Variants in SAMD5 observed in about 807,000 individuals in gnomAD.
The protein encoded by SAMD5 is sterile alpha motif domain-containing protein 5.
A neutral mutation model predicts 11.3 loss-of-function variants in SAMD5; 13 were observed. The observed-to-expected ratio is 1.15, with a 90% confidence interval of 0.75 to 1.83. SAMD5 has a LOEUF of 1.83. SAMD5 is among the 40% of genes most tolerant of loss of function. The pLI is 0.00. For synonymous variants in SAMD5, 129 were observed against 111.3 expected (o/e 1.16, Z -1.00); for missense variants, 255 against 239.1 (o/e 1.07, Z -0.44).
intron 1 of SAMD5, among the ~76,000 whole-genome samples, chr6:147,669,420 C>CT (rs55877273): frequency 0.018 from 1,326 of 74,284 alleles, 54 homozygotes; most frequent in African/African-American, 0.044. Context: ...AGCTCCACTT[C>CT]TTTTTTTTTT....
chr6:147,775,776 T>C, the SAMD5 span, among the ~76,000 whole-genome samples: 1 of 152,146 alleles, frequency 6.6e-6, no homozygotes, highest in Non-Finnish European at 1.5e-5. Flanking sequence ...TTACCTTCTC[T>C]GGAGCCAGAC....
At chr6:147,856,823 G>C in the SAMD5 span, among the ~76,000 whole-genome samples, 1 of 53,588 alleles carries the variant, frequency 1.9e-5, no homozygotes, top group Non-Finnish European at 3.2e-5. Context: ...TGGGGGCGCG[G>C]GGGGGGGGGG....
At chr6:147,933,478 G>A in the SAMD5 span, among the ~76,000 whole-genome samples, 1 of 151,726 alleles carries the variant, frequency 6.6e-6, no homozygotes, top group African/African-American at 2.4e-5. Context: ...TATTAGGGTG[G>A]AAACTGGAGC....
At chr6:147,848,405 G>A in the SAMD5 span, among the ~76,000 whole-genome samples, 1 of 152,160 alleles carries the variant, frequency 6.6e-6, no homozygotes, top group African/African-American at 2.4e-5. Context: ...GATAGCGAAT[G>A]TTTACTGTGC....
intron 1 of SAMD5, among the ~76,000 whole-genome samples, chr6:147,710,167 G>C (rs1791376697): frequency 6.6e-6 from 1 of 152,100 alleles, no homozygotes; most frequent in South Asian, 2.1e-4. Context: ...TAGATTTCTT[G>C]ATCTAGCCAC....
chr6:147,573,629 G>T (rs1399207874), downstream of SAMD5, among the ~76,000 whole-genome samples: 1 of 152,180 alleles, frequency 6.6e-6, no homozygotes. Flanking sequence ...TATCTGAAAA[G>T]TGAGGTTACT....
intron 1 of SAMD5, among the ~76,000 whole-genome samples, chr6:147,550,979 C>T (rs1339481338): frequency 6.6e-6 from 1 of 152,116 alleles, no homozygotes; most frequent in Non-Finnish European, 1.5e-5. Context: ...CGTTGTGAGG[C>T]ATCCATGTTT....
chr6:147,722,712 C>A (rs763693713), intron 1 of SAMD5, among the ~76,000 whole-genome samples: 2 of 152,072 alleles, frequency 1.3e-5, no homozygotes, highest in African/African-American at 2.4e-5. Flanking sequence ...TTTTTTCTTG[C>A]TTTTTTTATG....
At chr6:147,724,493 A>T (rs965832445) in intron 1 of SAMD5, among the ~76,000 whole-genome samples, 3 of 152,208 alleles carry the variant, frequency 2.0e-5, no homozygotes, top group Non-Finnish European at 4.4e-5. Flanking sequence ...CTGAAACAAA[A>T]ATTCAGATAA....
At position 147,579,488 on chromosome 6, in the gene SAMD5, CG is replaced by C. The variant is rs1789265614; in HGVS notation, c.162+70103del. On this transcript the variant is annotated intron_variant, in intron 1 of 1. Transcript: ENST00000566741. ...TTTTTTTTTTTTTTTTTTTTTGAGACGGAGTCTCACTCTGCAGTGCAGGCTA... is the reference window on the plus strand; with the variant it reads ...TTTTTTTTTTTTTTTTTTTTTGAGACGAGTCTCACTCTGCAGTGCAGGCTA... 6.0e-5 allele frequency among the ~76,000 whole-genome samples: 6 copies of C among 99,870 alleles called. No individual in the cohort carries two copies. The Admixed American group carries it at 7.8e-4, about 13-fold the overall frequency. The allele number at this position is 99,870 out of a possible 152,430, so 65.5% of individuals were successfully genotyped here.
chr6:147,521,731 C>G (rs1043937604), intron 1 of SAMD5, among the ~76,000 whole-genome samples: 1 of 152,046 alleles, frequency 6.6e-6, no homozygotes, highest in Non-Finnish European at 1.5e-5. Context: ...TAATGTTATA[C>G]ATAATGTTAT....
In SAMD5 at chr6:147,569,844, A is replaced by G. The variant is rs3823088; in HGVS notation, c.*5388A>G. The G allele has an allele frequency of 1.7e-4, 169 of 984,864 alleles. 1 individual carries two copies. The East Asian group carries it at 0.014, about 84-fold the overall frequency. 61.0% of individuals were successfully genotyped at this position (984,864 alleles called of 1,614,324 possible). A position where few individuals can be genotyped will look rare whatever the true frequency, so the allele number is the denominator to read the frequency against. On this transcript the variant is annotated 3_prime_UTR_variant, in exon 2 of 2. Coordinates refer to ENST00000367474, the MANE Select transcript of SAMD5 (RefSeq NM_001030060.3). ...GCAGCAGTTTGGTTTTGTAAATGTA[A>G]TTGCAATTGACACTTTCTTTTCCCT... is the stretch of plus-strand genomic sequence containing the variant.
intron 1 of SAMD5, among the ~76,000 whole-genome samples, chr6:147,563,515 C>A (rs146937999): frequency 5.6e-4 from 85 of 152,284 alleles, no homozygotes; most frequent in South Asian, 1.5e-3. Flanking sequence ...ACTCAGGCAT[C>A]CTTCTTCCTT....
At chr6:147,690,167 T>C (rs1172447678) in intron 1 of SAMD5, among the ~76,000 whole-genome samples, 2 of 152,152 alleles carry the variant, frequency 1.3e-5, no homozygotes, top group Non-Finnish European at 2.9e-5. Flanking sequence ...CAAGGAAAAT[T>C]AGGATATCTA....
At chr6:147,570,421 G>A (rs1789120123), downstream of SAMD5, among the ~76,000 whole-genome samples, 1 of 152,154 alleles carries the variant, frequency 6.6e-6, no homozygotes, top group Admixed American at 6.5e-5. Context: ...CACCTGAAAT[G>A]TGTTGTGATT....
At chr6:147,655,591 T>C in intron 1 of SAMD5, among the ~76,000 whole-genome samples, 1 of 152,132 alleles carries the variant, frequency 6.6e-6, no homozygotes, top group Admixed American at 6.6e-5. Flanking sequence ...TTGCAGTACA[T>C]CATTATAGGT....
chr6:147,910,456 A>T, the SAMD5 span, among the ~76,000 whole-genome samples: 3 of 152,124 alleles, frequency 2.0e-5, no homozygotes, highest in Non-Finnish European at 4.4e-5. Flanking sequence ...TGCCCTCTTT[A>T]CTTCTCAGCC....
intron 1 of SAMD5, among the ~76,000 whole-genome samples, chr6:147,578,793 A>G (rs1448263044): frequency 7.5e-5 from 1 of 13,290 alleles, no homozygotes; most frequent in East Asian, 2.8e-3. Context: ...CTGCGAAGTA[A>G]AAAAAAAAAA....
intron 1 of SAMD5, among the ~76,000 whole-genome samples, chr6:147,618,707 G>A (rs1372955901): frequency 2.0e-5 from 3 of 152,182 alleles, no homozygotes; most frequent in Non-Finnish European, 4.4e-5. Context: ...TGACCAATGT[G>A]AAGCTTGCCC....
Sources: allele counts gnomAD v4.1 joint callset (sites outside exome capture counted in the v4.1 genomes callset), GRCh38; gene constraint gnomAD v4.1.1; transcripts MANE v1.5; gene names NCBI Gene and HGNC (gene_info 2026-07-23, HGNC 2026-07-21).